The following KDM4C variants were observed in gnomAD, a reference collection of about 807,000 sequenced individuals.
The protein encoded by KDM4C is lysine-specific demethylase 4C.
In KDM4C, 81 loss-of-function variants were observed where a neutral mutation model predicts 129.3. That is an observed-to-expected ratio of 0.63 (90% confidence interval 0.52 to 0.75). The LOEUF (loss-of-function observed/expected upper bound fraction) is 0.75, where lower values mean the gene tolerates loss of function less well. Among genes scored for constraint, KDM4C ranks in the 30% least tolerant of loss-of-function variants. KDM4C has a pLI of 0.00. For synonymous variants in KDM4C, 573 were observed against 456.1 expected, an observed-to-expected ratio of 1.26 and a Z score of -3.26; for missense variants, 1,457 against 1,304.0, an observed-to-expected ratio of 1.12 and a Z score of -1.81.
At chr9:6,869,164 T>C (rs1352908295) in intron 5 of KDM4C, among the ~76,000 whole-genome samples, 1 of 152,238 alleles carries the variant, frequency 6.6e-6, no homozygotes, top group Non-Finnish European at 1.5e-5. Context: ...TGTAAGGATT[T>C]TTTCTCACTG....
intron 5 of KDM4C, among the ~76,000 whole-genome samples, chr9:6,869,393 C>T (rs1052208884): frequency 2.0e-5 from 3 of 152,246 alleles, no homozygotes; most frequent in African/African-American, 7.2e-5. Context: ...GCTTACAAGG[C>T]AAGAGGACTG....
At chr9:6,787,882 GA>G (rs1234091552) in intron 1 of KDM4C, among the ~76,000 whole-genome samples, 3 of 152,186 alleles carry the variant, frequency 2.0e-5, no homozygotes, top group Non-Finnish European at 4.4e-5. Context: ...GGATAACTAA[GA>G]GGGGGAGGAA....
chr9:6,817,193 C>CT (rs1832260777), intron 4 of KDM4C, among the ~76,000 whole-genome samples: 17 of 95,428 alleles, frequency 1.8e-4, no homozygotes, highest in South Asian at 4.5e-4. Flanking sequence ...GCCCCTCCCC[C>CT]TGCCCCCCCC....
chr9:6,903,837 A>G (rs894192266), intron 8 of KDM4C, among the ~76,000 whole-genome samples: 4 of 152,200 alleles, frequency 2.6e-5, no homozygotes, highest in African/African-American at 9.7e-5. Context: ...TTCATTGTAT[A>G]TCTCTTAAAA....
intron 17 of KDM4C, among the ~76,000 whole-genome samples, chr9:7,058,625 G>A (rs1216899127): frequency 3.3e-5 from 5 of 151,964 alleles, no homozygotes; most frequent in African/African-American, 7.3e-5. Context: ...CCAATGCCAG[G>A]CATCTGGCAT....
rs118005989 is a variant in KDM4C, at chr9:7,106,749, C to A, written c.2610+2879C>A. Among the ~76,000 whole-genome samples, 1,273 of 152,196 alleles carry A rather than the reference C, an allele frequency of 8.4e-3. 22 individuals are homozygous for A. The highest frequency in any genetic ancestry group is 0.013 in the Non-Finnish European group (906 of 68,006). On this transcript the variant is annotated intron_variant, in intron 18 of 21. Transcript: ENST00000381309. ...AGCTCAAGAGATCCTTTAGCCTCAG[C>A]CTCCCAAAGTGCCGGAGTTGTAGGT...
intron 7 of KDM4C, among the ~76,000 whole-genome samples, chr9:6,889,614 C>G (rs1037685630): frequency 6.6e-6 from 1 of 152,170 alleles, no homozygotes; most frequent in East Asian, 1.9e-4. Context: ...GAGTCTCAGA[C>G]ACATCATCAT....
At chr9:6,720,908 G>T in exon 1 of KDM4C, 3 of 1,533,226 alleles carry the variant, frequency 2.0e-6, no homozygotes, top group Non-Finnish European at 2.7e-6. Context: ...TGAATAGTTG[G>T]AGTGTTCTGC....
intron 8 of KDM4C, among the ~76,000 whole-genome samples, chr9:6,972,335 C>T (rs1459493616): frequency 6.6e-6 from 1 of 151,980 alleles, no homozygotes; most frequent in Non-Finnish European, 1.5e-5. Context: ...CACCTATTTT[C>T]TCTACCTAAT....
intron 1 of KDM4C, among the ~76,000 whole-genome samples, chr9:6,744,469 G>A (rs1817812673): frequency 1.3e-5 from 2 of 152,272 alleles, no homozygotes; most frequent in African/African-American, 4.8e-5. Flanking sequence ...AGGTTGCAGT[G>A]AGCTGAGATC....
At chr9:7,156,164 G>A (rs1239367671) in intron 19 of KDM4C, among the ~76,000 whole-genome samples, 8 of 152,150 alleles carry the variant, frequency 5.3e-5, no homozygotes, top group African/African-American at 1.9e-4. Context: ...CTTTTGAGAA[G>A]GGTCTGTTCA....
At chr9:7,045,848 A>G (rs1449530350) in intron 15 of KDM4C, among the ~76,000 whole-genome samples, 1 of 152,062 alleles carries the variant, frequency 6.6e-6, no homozygotes, top group Non-Finnish European at 1.5e-5. Context: ...TCCTCAGAAA[A>G]GTAAAAGCTA....
intron 4 of KDM4C, among the ~76,000 whole-genome samples, chr9:6,829,540 A>C (rs564556326): frequency 1.3e-5 from 2 of 152,352 alleles, no homozygotes; most frequent in South Asian, 4.1e-4. Flanking sequence ...TATAATAGTC[A>C]ACACATTGAT....
chr9:7,040,407 G>A (rs951275769), intron 15 of KDM4C, among the ~76,000 whole-genome samples: 6 of 147,424 alleles, frequency 4.1e-5, no homozygotes, highest in East Asian at 2.1e-4. Context: ...GTGTGTGTGC[G>A]TGTGTATGTG....
At chr9:6,951,519 A>T (rs1240204660) in intron 8 of KDM4C, among the ~76,000 whole-genome samples, 1 of 152,076 alleles carries the variant, frequency 6.6e-6, no homozygotes, top group Non-Finnish European at 1.5e-5. Context: ...GAAAAAGAGG[A>T]ATGTCTTGGG....
At chr9:6,722,905 C>T (rs1817001641) in intron 1 of KDM4C, among the ~76,000 whole-genome samples, 1 of 152,064 alleles carries the variant, frequency 6.6e-6, no homozygotes, top group African/African-American at 2.4e-5. Context: ...ATTGCGTGAG[C>T]CCAGGAGGTT....
At chr9:7,031,676 ATG>A (rs1277414759) in intron 15 of KDM4C, among the ~76,000 whole-genome samples, 1 of 151,826 alleles carries the variant, frequency 6.6e-6, no homozygotes, top group East Asian at 1.9e-4. Context: ...TTATATATAT[ATG>A]TGTGTGTGTA....
intron 16 of KDM4C, among the ~76,000 whole-genome samples, chr9:7,047,326 C>G (rs1829545984): frequency 6.6e-6 from 1 of 151,936 alleles, no homozygotes; most frequent in East Asian, 1.9e-4. Flanking sequence ...GATAATAAAA[C>G]AAAACCATTT....
At position 6,887,420 on chromosome 9, in the gene KDM4C, G is replaced by C. The variant is rs367932470; in HGVS notation, c.680-540G>C. Among the ~76,000 whole-genome samples the C allele has an allele frequency of 3.3e-5, 5 of 152,290 alleles. No individual in the cohort carries two copies. In the East Asian group the frequency reaches 9.6e-4, roughly 29 times the overall value. ...CAGGCAGGTTCTCAGACAGTTGATG[G>C]GTGATGGCTGGGAAGTTCATTCAGG... On this transcript the variant is annotated intron_variant, in intron 6 of 21. Coordinates refer to ENST00000381309, the MANE Select transcript of KDM4C (RefSeq NM_015061.6).
Sources: allele counts gnomAD v4.1 joint callset (sites outside exome capture counted in the v4.1 genomes callset), GRCh38; gene constraint gnomAD v4.1.1; transcripts MANE v1.5; gene names NCBI Gene and HGNC (gene_info 2026-07-23, HGNC 2026-07-21).